Variants in GNG2 observed in about 807,000 individuals in gnomAD.
GNG2 encodes guanine nucleotide-binding protein G(I)/G(S)/G(O) subunit gamma-2.
A neutral mutation model predicts 5.5 loss-of-function variants in GNG2; 5 were observed. The observed-to-expected ratio is 0.91, with a 90% CI of 0.48 to 1.92. The LOEUF is 1.92. GNG2 is among the 30% of genes most tolerant of loss of function. The probability of loss-of-function intolerance (pLI) is 0.01; values close to 1 mark genes in which losing one functional copy is unlikely to be tolerated. For synonymous variants in GNG2, 28 were observed against 32.0 expected, an observed-to-expected ratio of 0.88 and a Z score of 0.42; for missense variants, 55 against 88.4, an observed-to-expected ratio of 0.62 and a Z score of 1.52.
intron 3 of GNG2, among the ~76,000 whole-genome samples, chr14:51,953,661 G>C (rs778550093): frequency 4.6e-5 from 7 of 152,214 alleles, no homozygotes; most frequent in Admixed American, 2.0e-4. Context: ...AGCCAGGCAG[G>C]CTTGCTGTGG....
intron 1 of GNG2, among the ~76,000 whole-genome samples, chr14:51,875,939 A>ATTTTTTTATTTT (rs745510243): frequency 3.6e-5 from 3 of 83,588 alleles, no homozygotes; most frequent in African/African-American, 1.7e-4. Flanking sequence ...TCATTTAAAC[A>ATTTTTTTATTTT]TTTTTTTCTT....
intron 2 of GNG2, among the ~76,000 whole-genome samples, chr14:51,832,386 G>A (rs1035308323): frequency 1.3e-5 from 2 of 152,120 alleles, no homozygotes; most frequent in Non-Finnish European, 2.9e-5. Context: ...AAAATAAATG[G>A]AGAAATATGA....
In GNG2 at chr14:51,913,928, C is replaced by T. The variant is rs367892691; in HGVS notation, c.-30+36271C>T. ...ATGTATGCATAAAAGTTACATATAT[C>T]CAAATACCTTTTTCATACATATGTT... On this transcript the variant is annotated intron_variant, in intron 2 of 3. Coordinates refer to ENST00000556766, the MANE Select transcript of GNG2 (RefSeq NM_053064.5). Among the ~76,000 whole-genome samples the T allele has an allele frequency of 2.0e-4, 31 of 152,040 alleles. 1 individual carries two copies. The highest frequency in any genetic ancestry group is 1.7e-3 in the East Asian group (9 of 5,192).
chr14:51,912,854 G>GGGGTGT (rs1886374622), intron 2 of GNG2, among the ~76,000 whole-genome samples: 1 of 151,276 alleles, frequency 6.6e-6, no homozygotes, highest in Non-Finnish European at 1.5e-5. Flanking sequence ...GGTGGGGGTG[G>GGGGTGT]GGGTGTGTGT....
chr14:51,961,736 G>A (rs1300254413), intron 3 of GNG2, among the ~76,000 whole-genome samples: 1 of 152,110 alleles, frequency 6.6e-6, no homozygotes, highest in Non-Finnish European at 1.5e-5. Context: ...AGGAGATGAA[G>A]AGAACAATAT....
chr14:51,935,227 G>A (rs1354909913), intron 2 of GNG2, among the ~76,000 whole-genome samples: 2 of 151,362 alleles, frequency 1.3e-5, no homozygotes, highest in African/African-American at 4.9e-5. Context: ...GGGTTTCACT[G>A]TGTTAGTCAG....
chr14:51,863,909 GTTTA>G (rs1882692644), intron 1 of GNG2, among the ~76,000 whole-genome samples: 1 of 152,038 alleles, frequency 6.6e-6, no homozygotes, highest in Non-Finnish European at 1.5e-5. Flanking sequence ...ACTATACTTT[GTTTA>G]TTCTCTTTTG....
chr14:51,939,000 G>T (rs1056453529), intron 2 of GNG2, among the ~76,000 whole-genome samples: 17 of 152,168 alleles, frequency 1.1e-4, no homozygotes, highest in Non-Finnish European at 2.2e-4. Context: ...CTTGCCTGCT[G>T]TTGCAGAGTA....
chr14:51,948,855 C>T (rs1888795141), intron 2 of GNG2, among the ~76,000 whole-genome samples: 2 of 152,122 alleles, frequency 1.3e-5, no homozygotes, highest in African/African-American at 2.4e-5. Context: ...GGCGTGGTGG[C>T]TCATGCCTGT....
intron 2 of GNG2, among the ~76,000 whole-genome samples, chr14:51,833,077 G>A (rs1163280595): frequency 3.3e-5 from 5 of 152,108 alleles, no homozygotes; most frequent in African/African-American, 1.2e-4. Flanking sequence ...CAAGATTAAA[G>A]CTTATGGGGC....
chr14:51,884,063 T>C (rs946106477), intron 2 of GNG2, among the ~76,000 whole-genome samples: 2 of 152,204 alleles, frequency 1.3e-5, no homozygotes, highest in African/African-American at 2.4e-5. Flanking sequence ...GGAGAGTTTC[T>C]TGTGTCTCTT....
At chr14:51,872,190 A>G (rs1323801832) in intron 1 of GNG2, among the ~76,000 whole-genome samples, 1 of 152,236 alleles carries the variant, frequency 6.6e-6, no homozygotes, top group African/African-American at 2.4e-5. Context: ...TTGTTGCCAC[A>G]GTATAACCTA....
intron 3 of GNG2, among the ~76,000 whole-genome samples, chr14:51,952,760 G>A (rs1255814425): frequency 2.6e-5 from 4 of 152,146 alleles, no homozygotes; most frequent in African/African-American, 9.7e-5. Context: ...ATTACTGACT[G>A]CAAGGGGCTC....
At chr14:51,828,403 C>T (rs1423975953) in intron 2 of GNG2, among the ~76,000 whole-genome samples, 1 of 152,158 alleles carries the variant, frequency 6.6e-6, no homozygotes, top group African/African-American at 2.4e-5. Context: ...AAAGCAGGAC[C>T]AGAAGAACCT....
chr14:51,964,819 T>A (rs1306844697), intron 3 of GNG2, among the ~76,000 whole-genome samples: 1 of 152,146 alleles, frequency 6.6e-6, no homozygotes, highest in African/African-American at 2.4e-5. Flanking sequence ...AAGACCAGCA[T>A]GGGCAAAATA....
chr14:51,920,688 T>C (rs1399463577), intron 2 of GNG2, among the ~76,000 whole-genome samples: 1 of 152,182 alleles, frequency 6.6e-6, no homozygotes, highest in African/African-American at 2.4e-5. Flanking sequence ...TAGAATAATG[T>C]TCCTTGAATG....
At chr14:51,857,210 G>A (rs73291068), upstream of GNG2, among the ~76,000 whole-genome samples, 1,486 of 152,278 alleles carry the variant, frequency 9.8e-3, 26 homozygotes, top group African/African-American at 0.035. Flanking sequence ...TAGTTTCCAC[G>A]GCCAGGGAAG....
rs143012297 is a variant in GNG2, at chr14:51,917,971, C to T, written c.-29-32679C>T. On this transcript the variant is annotated intron_variant, in intron 2 of 3. Coordinates refer to ENST00000556766, the MANE Select transcript of GNG2 (RefSeq NM_053064.5). Reference sequence around the variant, plus strand: ...AACTTGGAAAGTGGAGGTTGCACTGCGCCGAGATCGTGTCACTGCACTCTA... The same window carrying T: ...AACTTGGAAAGTGGAGGTTGCACTGTGCCGAGATCGTGTCACTGCACTCTA... Among the ~76,000 whole-genome samples, 294 of 149,882 alleles carry T rather than the reference C, an allele frequency of 2.0e-3. 2 individuals carry two copies. Among genetic ancestry groups the T allele is most frequent in the African/African-American group, 6.6e-3 (269 of 40,720 alleles).
At chr14:51,841,480 A>T (rs1432127165) in intron 2 of GNG2, 2 of 701,088 alleles carry the variant, frequency 2.9e-6, no homozygotes, top group South Asian at 3.0e-5. Context: ...TCTAAGGTAG[A>T]TACTATTTTT....
Sources: gnomAD v4.1 joint callset for allele counts (sites outside exome capture counted in the v4.1 genomes callset) on GRCh38, gnomAD v4.1.1 for gene constraint, MANE v1.5 for transcripts, NCBI Gene and HGNC (gene_info 2026-07-23, HGNC 2026-07-21) for gene names.